The following SFI1 variants were observed in gnomAD, a reference collection of about 807,000 sequenced individuals.
SFI1 encodes the protein protein SFI1 homolog.
SFI1 carries 195 observed loss-of-function variants against 207.5 expected under a neutral mutation model. The ratio of observed to expected loss-of-function variants is 0.94; its 90% CI spans 0.84 to 1.06. SFI1 has a LOEUF of 1.06. SFI1 is among the 50% of genes least tolerant of loss of function. The pLI, the probability that SFI1 is intolerant of heterozygous loss-of-function variation, is 0.00. For synonymous variants in SFI1, 630 were observed against 598.9 expected, an observed-to-expected ratio of 1.05 and a Z score of -0.76; for missense variants, 1,634 against 1,588.0, an observed-to-expected ratio of 1.03 and a Z score of -0.49.
rs149907727 is a variant in SFI1, at chr22:31,548,518, C to T, written c.449+1547C>T. Reference sequence around the variant, plus strand: ...ATTAGCCGGGCATGGCGGCATGCGCCTGTAGTACCAGCTACTCGGAAGGTT... The same window carrying T: ...ATTAGCCGGGCATGGCGGCATGCGCTTGTAGTACCAGCTACTCGGAAGGTT... On this transcript the variant is annotated intron_variant, in intron 5 of 32. Transcript: ENST00000400288. 2.6e-5 allele frequency among the ~76,000 whole-genome samples: 4 copies of T among 152,088 alleles called. No individual in the cohort carries two copies. In the East Asian group the frequency reaches 5.8e-4, roughly 22 times the overall value.
In SFI1 at chr22:31,617,754, G is replaced by A. The variant is rs975246521; in HGVS notation, c.3513-361G>A. ...AAAAAAATGCAGAGGAGACAGGCCCGTGACTCAGCTGCACTCAGTGGTCTG... is the reference window on the plus strand; with the variant it reads ...AAAAAAATGCAGAGGAGACAGGCCCATGACTCAGCTGCACTCAGTGGTCTG... On this transcript the variant is annotated intron_variant, in intron 31 of 32. Coordinates refer to ENST00000400288, the MANE Select transcript of SFI1 (RefSeq NM_001007467.3). 3.3e-5 allele frequency among the ~76,000 whole-genome samples: 5 copies of A among 150,854 alleles called. No individual in the cohort carries two copies. The East Asian group carries it at 5.8e-4, about 18-fold the overall frequency.
intron 8 of SFI1, chr22:31,572,764 A>C (rs192344283): frequency 1.3e-4 from 27 of 203,960 alleles, no homozygotes; most frequent in Admixed American, 1.2e-3. Context: ...CGGCCTCCCA[A>C]AGTGCTGGGA....
At chr22:31,616,547 T>G (rs2071507367) in intron 29 of SFI1, 198 bp from the exon 30 acceptor site, 1 of 510,934 alleles carries the variant, frequency 2.0e-6, no homozygotes, top group Non-Finnish European at 3.4e-6. Flanking sequence ...GACTTTCCCC[T>G]ACAGTACCAG....
At chr22:31,500,239 C>A (rs147709133) in intron 1 of SFI1, among the ~76,000 whole-genome samples, 3 of 146,462 alleles carry the variant, frequency 2.0e-5, no homozygotes, top group Non-Finnish European at 4.5e-5. Context: ...CGCTTGAACC[C>A]GGGAGCTGAG....
intron 1 of SFI1, among the ~76,000 whole-genome samples, chr22:31,506,300 A>G (rs970238981): frequency 2.0e-5 from 3 of 152,194 alleles, no homozygotes; most frequent in East Asian, 1.9e-4. Flanking sequence ...TGCCCGACTC[A>G]GCCTCCCAAA....
intron 1 of SFI1, among the ~76,000 whole-genome samples, chr22:31,498,790 C>G (rs1394056283): frequency 6.6e-6 from 1 of 151,846 alleles, no homozygotes; most frequent in Non-Finnish European, 1.5e-5. Context: ...AGAAGGGGAG[C>G]CTAAAAATGT....
intron 2 of SFI1, among the ~76,000 whole-genome samples, chr22:31,519,394 C>T (rs2056931884): frequency 6.6e-6 from 1 of 151,424 alleles, no homozygotes; most frequent in Non-Finnish European, 1.5e-5. Flanking sequence ...TGTCAGTCTC[C>T]CATGTAGCTG....
Position 31,616,791 on chromosome 22 carries a change from C to T in SFI1, c.3347C>T (p.Ser1116Leu). 1 of 1,607,488 alleles carries T rather than the reference C, an allele frequency of 6.2e-7. No homozygotes were observed. The highest frequency in any genetic ancestry group is 1.1e-5 in the South Asian group (1 of 90,038). ...ATPRDKPPVP[S>L]SLASVPDPHL... The stretch of plus-strand genomic sequence containing the variant: ...CCTAGGGATAAGCCCCCGGTCCCCT[C>T]ATCCCTGGCCAGTGTCCCTGACCCC... The change falls in exon 30 of 33, where the codon TCA becomes TTA. Residue 1116 changes from serine (S) to leucine (L), a missense_variant. Transcript: ENST00000400288.
chr22:31,583,437 A>G (rs2064612643), intron 12 of SFI1, among the ~76,000 whole-genome samples: 1 of 152,112 alleles, frequency 6.6e-6, no homozygotes, highest in Non-Finnish European at 1.5e-5. Flanking sequence ...TTATTGATTT[A>G]TCTGATTGTT....
In SFI1 at chr22:31,528,780, G is replaced by A. The variant is rs2058184290; in HGVS notation, c.183G>A (p.Glu61=). ...KSSASFGIRR[E]LPSTSHLVQY... is the part of the protein sequence containing the mutation. Reference sequence around the variant, plus strand: ...CTGCATCCTTTGGGATCCGGAGGGAGTTACCTAGTACCAGTCATCTAGTGC... The same window carrying A: ...CTGCATCCTTTGGGATCCGGAGGGAATTACCTAGTACCAGTCATCTAGTGC... The change falls in exon 3 of 33, where the codon GAG becomes GAA. Residue 61 remains glutamate (E), a synonymous_variant. Coordinates refer to ENST00000400288, the MANE Select transcript of SFI1 (RefSeq NM_001007467.3). 6.2e-7 allele frequency: 1 copy of A among 1,614,134 alleles called. No individual in the cohort carries two copies. The highest frequency in any genetic ancestry group is 8.5e-7 in the Non-Finnish European group (1 of 1,180,016).
In SFI1 at chr22:31,499,169, G is replaced by A. The variant is rs1052537305; in HGVS notation, c.-31+2532G>A. On this transcript the variant is annotated intron_variant, in intron 1 of 32. Coordinates refer to ENST00000400288, the MANE Select transcript of SFI1 (RefSeq NM_001007467.3). ...ACCTGGGTGTGTAATACCATGCCTC[G>A]CTAATTTTTTTTTTGAGATGAGGGT... 1.2e-4 allele frequency among the ~76,000 whole-genome samples: 18 copies of A among 151,816 alleles called. 1 individual carries two copies. Among genetic ancestry groups the A allele is most frequent in the Non-Finnish European group, 4.4e-5 (3 of 67,960 alleles).
At chr22:31,521,032 G>A (rs1301453431) in intron 2 of SFI1, among the ~76,000 whole-genome samples, 2 of 146,892 alleles carry the variant, frequency 1.4e-5, no homozygotes, top group African/African-American at 5.0e-5. Context: ...AAAAAGTAGA[G>A]TTCAAGACCA....
intron 4 of SFI1, among the ~76,000 whole-genome samples, chr22:31,539,226 C>T (rs1173341900): frequency 2.6e-5 from 4 of 152,172 alleles, no homozygotes; most frequent in African/African-American, 9.7e-5. Flanking sequence ...TCCAATGGCC[C>T]CTCATTGGTC....
At chr22:31,603,671 A>G (rs897210940) in intron 17 of SFI1, 73 bp from the exon 18 acceptor site, 4 of 1,292,800 alleles carry the variant, frequency 3.1e-6, no homozygotes, top group East Asian at 5.8e-5. Flanking sequence ...GCTATGGACT[A>G]TGAGGAGGAA....
intron 6 of SFI1, among the ~76,000 whole-genome samples, chr22:31,553,503 C>T (rs1022258583): frequency 1.0e-4 from 15 of 148,666 alleles, no homozygotes; most frequent in South Asian, 4.3e-4. Context: ...CTACATGGTG[C>T]GCTACCATGC....
At chr22:31,610,679 C>T (rs922765134) in intron 22 of SFI1, among the ~76,000 whole-genome samples, 7 of 152,256 alleles carry the variant, frequency 4.6e-5, no homozygotes, top group Admixed American at 1.3e-4. Flanking sequence ...CCTCCCCATC[C>T]GTGGCTTGGG....
At chr22:31,501,728 T>A (rs1268555767) in intron 1 of SFI1, among the ~76,000 whole-genome samples, 3 of 152,244 alleles carry the variant, frequency 2.0e-5, no homozygotes, top group African/African-American at 7.2e-5. Context: ...CTATAGATGT[T>A]ATTTTGATTA....
At chr22:31,603,389 G>A (rs1418190926) in intron 17 of SFI1, among the ~76,000 whole-genome samples, 1 of 152,080 alleles carries the variant, frequency 6.6e-6, no homozygotes, top group Non-Finnish European at 1.5e-5. Flanking sequence ...AGGAGGGGAG[G>A]CAGCCCAGTC....
intron 4 of SFI1, among the ~76,000 whole-genome samples, chr22:31,535,337 G>A (rs1264909043): frequency 2.0e-5 from 3 of 149,308 alleles, no homozygotes; most frequent in South Asian, 2.1e-4. Context: ...TTACAGATGC[G>A]TGCTACCACA....
Sources: allele counts gnomAD v4.1 joint callset (sites outside exome capture counted in the v4.1 genomes callset), GRCh38; gene constraint gnomAD v4.1.1; transcripts MANE v1.5; gene names NCBI Gene and HGNC (gene_info 2026-07-23, HGNC 2026-07-21).